Variants in MAGI3 observed in about 807,000 individuals in gnomAD.
MAGI3 encodes the protein membrane associated guanylate kinase, WW and PDZ domain containing 3.
In MAGI3, 43 loss-of-function variants were observed where a neutral mutation model predicts 121.8. The ratio of observed to expected loss-of-function variants is 0.35; its 90% confidence interval spans 0.28 to 0.46. The LOEUF (loss-of-function observed/expected upper bound fraction) is 0.46. Ranked by LOEUF, MAGI3 falls within the 20% of genes least tolerant of loss-of-function variation. The pLI is 1.00. For synonymous variants in MAGI3, 553 were observed against 639.3 expected (o/e 0.86, Z 2.04); for missense variants, 1,547 against 1,797.3 (o/e 0.86, Z 2.52).
chr1:113,468,741 TTAAA>T (rs1341231622), intron 1 of MAGI3, among the ~76,000 whole-genome samples: 1 of 152,220 alleles, frequency 6.6e-6, no homozygotes, highest in African/African-American at 2.4e-5. Context: ...ATATATTTGG[TTAAA>T]TAAATTATTA....
intron 6 of MAGI3, among the ~76,000 whole-genome samples, chr1:113,598,319 T>A (rs1649150686): frequency 6.7e-6 from 1 of 150,212 alleles, no homozygotes; most frequent in Non-Finnish European, 1.5e-5. Context: ...ACTGGAATAG[T>A]ACCTTATATC....
chr1:113,571,345 C>T (rs990130654), intron 2 of MAGI3, among the ~76,000 whole-genome samples: 2 of 152,062 alleles, frequency 1.3e-5, no homozygotes, highest in Non-Finnish European at 2.9e-5. Context: ...CAGCTTTGTT[C>T]CTTTTGCTTA....
At chr1:113,457,877 C>T (rs541629038) in intron 1 of MAGI3, among the ~76,000 whole-genome samples, 1 of 152,110 alleles carries the variant, frequency 6.6e-6, no homozygotes, top group East Asian at 1.9e-4. Context: ...AAGAGGAAGC[C>T]ATGAGGGCAC....
intron 19 of MAGI3, 67 bp from the exon 20 acceptor site, chr1:113,681,131 C>G: frequency 1.3e-6 from 2 of 1,566,220 alleles, no homozygotes. Context: ...GGCTCAAGAG[C>G]TGACAAAAGC....
intron 5 of MAGI3, among the ~76,000 whole-genome samples, chr1:113,592,017 G>A (rs1042435321): frequency 4.6e-5 from 7 of 152,038 alleles, no homozygotes; most frequent in African/African-American, 4.8e-5. Flanking sequence ...CATTGGATTT[G>A]CCAAGGGCTT....
At chr1:113,402,528 C>T (rs1173446631) in intron 1 of MAGI3, among the ~76,000 whole-genome samples, 1 of 151,954 alleles carries the variant, frequency 6.6e-6, no homozygotes, top group African/African-American at 2.4e-5. Flanking sequence ...CTGAATAGTT[C>T]CTGCTATATG....
Position 113,683,690 on chromosome 1 carries a change from T to G in MAGI3, c.4122T>G (p.Thr1374=), listed in dbSNP as rs750948585. 1 of 1,602,652 alleles carries G rather than the reference T, an allele frequency of 6.2e-7. No individual in the cohort carries two copies. Among genetic ancestry groups the G allele is most frequent in the African/African-American group, 1.3e-5 (1 of 74,302 alleles). The change falls in exon 21 of 21, where the codon ACT becomes ACG. Residue 1374 remains threonine, a synonymous_variant. Transcript: ENST00000307546. ...TTCCATCCAAAATGACTAATAAGAC[T>G]ACAAGTAAAGAAGTATCTGAAAATG... The part of the protein sequence containing the change: ...KSLPSKMTNK[T]TSKEVSENEK...
At chr1:113,564,993 G>A (rs886313115) in intron 2 of MAGI3, among the ~76,000 whole-genome samples, 2 of 151,916 alleles carry the variant, frequency 1.3e-5, no homozygotes, top group Non-Finnish European at 2.9e-5. Context: ...GGGATTACAG[G>A]TGTGCGCCAC....
At chr1:113,503,539 A>T (rs1015825463) in intron 1 of MAGI3, among the ~76,000 whole-genome samples, 1 of 152,062 alleles carries the variant, frequency 6.6e-6, no homozygotes, top group African/African-American at 2.4e-5. Context: ...ATATATTTAT[A>T]TAGTCACATA....
At chr1:113,483,210 T>C (rs1158862950) in intron 1 of MAGI3, among the ~76,000 whole-genome samples, 3 of 152,238 alleles carry the variant, frequency 2.0e-5, no homozygotes, top group African/African-American at 7.2e-5. Flanking sequence ...AAAGTGGTGC[T>C]GATATTTACA....
At chr1:113,405,474 C>CAAA (rs5777158) in intron 1 of MAGI3, among the ~76,000 whole-genome samples, 739 of 54,356 alleles carry the variant, frequency 0.014, 74 homozygotes, top group African/African-American at 0.053. Flanking sequence ...GAAACTGTCT[C>CAAA]AAAAAAAAAA....
At chr1:113,626,913 G>A (rs1027858540) in intron 9 of MAGI3, among the ~76,000 whole-genome samples, 8 of 151,706 alleles carry the variant, frequency 5.3e-5, no homozygotes, top group South Asian at 4.1e-4. Context: ...TTGATCTTTT[G>A]TGTTGTTTTC....
At chr1:113,524,277 C>G (rs1658350774) in intron 1 of MAGI3, among the ~76,000 whole-genome samples, 1 of 152,158 alleles carries the variant, frequency 6.6e-6, no homozygotes, top group Non-Finnish European at 1.5e-5. Flanking sequence ...AGAGTCCCCA[C>G]TGGGGTGCTG....
intron 11 of MAGI3, among the ~76,000 whole-genome samples, chr1:113,644,618 A>G (rs1485933120): frequency 2.6e-5 from 4 of 152,148 alleles, no homozygotes; most frequent in African/African-American, 7.2e-5. Context: ...GTGGCCTTCT[A>G]TGCTAAATTT....
chr1:113,523,409 A>G (rs977461843), intron 1 of MAGI3, among the ~76,000 whole-genome samples: 9 of 152,056 alleles, frequency 5.9e-5, no homozygotes, highest in Middle Eastern at 3.2e-3. Context: ...AAAGTTTGGG[A>G]CTCCCTAGAG....
intron 1 of MAGI3, among the ~76,000 whole-genome samples, chr1:113,437,638 G>T (rs1467506808): frequency 2.0e-5 from 3 of 151,792 alleles, no homozygotes; most frequent in Admixed American, 6.6e-5. Flanking sequence ...ATATATATCA[G>T]TTACTCTTAT....
chr1:113,463,761 G>A (rs1021409947), intron 1 of MAGI3, among the ~76,000 whole-genome samples: 1 of 152,038 alleles, frequency 6.6e-6, no homozygotes, highest in Non-Finnish European at 1.5e-5. Flanking sequence ...AATTGGGGAT[G>A]TCAATCAGGG....
At chr1:113,551,717 T>C (rs187126776) in intron 2 of MAGI3, among the ~76,000 whole-genome samples, 4 of 152,316 alleles carry the variant, frequency 2.6e-5, no homozygotes, top group Admixed American at 6.5e-5. Flanking sequence ...TCAATATCTT[T>C]AGCCTCAGTT....
At chr1:113,544,057 A>G (rs1659415313) in intron 1 of MAGI3, among the ~76,000 whole-genome samples, 1 of 152,220 alleles carries the variant, frequency 6.6e-6, no homozygotes, top group African/African-American at 2.4e-5. Flanking sequence ...AATATGTTTT[A>G]CTATGAAATG....
Sources: gnomAD v4.1 joint callset for allele counts (sites outside exome capture counted in the v4.1 genomes callset) on GRCh38, gnomAD v4.1.1 for gene constraint, MANE v1.5 for transcripts, NCBI Gene and HGNC (gene_info 2026-07-23, HGNC 2026-07-21) for gene names.